ZFAT: variants seen among roughly 807,000 people sequenced by gnomAD.
ZFAT encodes zinc finger protein ZFAT.
In ZFAT, 64 loss-of-function variants were observed where a neutral mutation model predicts 117.7. The ratio of observed to expected loss-of-function variants is 0.54; its 90% CI spans 0.44 to 0.67. The LOEUF is 0.67. ZFAT is among the 30% of genes least tolerant of loss of function. ZFAT has a pLI of 0.00. For missense variants in ZFAT, 1,433 were observed against 1,584.5 expected (o/e 0.90, Z 1.62); for synonymous variants, 679 against 615.0 (o/e 1.10, Z -1.54).
At chr8:134,652,870 G>C (rs903598461) in intron 2 of ZFAT, among the ~76,000 whole-genome samples, 2 of 152,102 alleles carry the variant, frequency 1.3e-5, no homozygotes, top group Admixed American at 6.6e-5. Flanking sequence ...ATAAAACCTA[G>C]CAAACTTTTC....
chr8:134,744,955 G>A, the ZFAT span, among the ~76,000 whole-genome samples: 6 of 150,558 alleles, frequency 4.0e-5, no homozygotes, highest in East Asian at 2.0e-4. Flanking sequence ...GGTCTCGATC[G>A]CCTGACCTCG....
chr8:134,729,756 G>C, the ZFAT span, among the ~76,000 whole-genome samples: 1 of 152,080 alleles, frequency 6.6e-6, no homozygotes, highest in South Asian at 2.1e-4. Context: ...AATCCTGATG[G>C]GCTGGTTACC....
chr8:134,608,538 G>A (rs1828061210), intron 5 of ZFAT, among the ~76,000 whole-genome samples, 191 bp downstream of exon 5: 1 of 152,132 alleles, frequency 6.6e-6, no homozygotes, highest in Non-Finnish European at 1.5e-5. Flanking sequence ...GCAACACACT[G>A]GAGGCTCAGC....
the ZFAT span, among the ~76,000 whole-genome samples, chr8:134,762,680 A>T: frequency 6.6e-6 from 1 of 152,308 alleles, no homozygotes; most frequent in Admixed American, 6.5e-5. Context: ...GTTCAAATTT[A>T]TATCTTCAGA....
intron 1 of ZFAT, among the ~76,000 whole-genome samples, chr8:134,693,551 T>C (rs1304479496): frequency 6.6e-6 from 1 of 151,056 alleles, no homozygotes; most frequent in Non-Finnish European, 1.5e-5. Flanking sequence ...TCACAATGCA[T>C]GCCTGTATCA....
chr8:134,743,778 C>T, the ZFAT span, among the ~76,000 whole-genome samples: 1 of 152,166 alleles, frequency 6.6e-6, no homozygotes, highest in Admixed American at 6.5e-5. Context: ...ACCAGCCTGC[C>T]CAGTCACAGC....
At chr8:134,583,647 G>A (rs972497926) in intron 10 of ZFAT, among the ~76,000 whole-genome samples, 185 bp downstream of exon 10, 2 of 152,182 alleles carry the variant, frequency 1.3e-5, no homozygotes, top group Non-Finnish European at 2.9e-5. Flanking sequence ...GCACCTGCTG[G>A]AAGTGAGGCA....
At chr8:134,736,600 C>T in the ZFAT span, among the ~76,000 whole-genome samples, 3 of 152,094 alleles carry the variant, frequency 2.0e-5, no homozygotes, top group Non-Finnish European at 4.4e-5. Context: ...CTCTCTCTCC[C>T]TCTCTCTCTA....
chr8:134,659,149 C>A (rs923034751), intron 1 of ZFAT, among the ~76,000 whole-genome samples: 1 of 152,336 alleles, frequency 6.6e-6, no homozygotes, highest in Admixed American at 6.5e-5. Context: ...ATCATACAAG[C>A]TCTGCGCTCT....
the ZFAT span, among the ~76,000 whole-genome samples, chr8:134,807,063 GCATA>G: frequency 6.6e-6 from 1 of 152,140 alleles, no homozygotes; most frequent in African/African-American, 2.4e-5. Context: ...AAACACACAT[GCATA>G]CATACAATCT....
chr8:134,659,718 C>T (rs1184379189), intron 1 of ZFAT, among the ~76,000 whole-genome samples: 1 of 152,080 alleles, frequency 6.6e-6, no homozygotes. Flanking sequence ...CCCACTCCCC[C>T]AACCCATTTC....
chr8:134,789,258 C>T, the ZFAT span, among the ~76,000 whole-genome samples: 7 of 152,162 alleles, frequency 4.6e-5, no homozygotes, highest in African/African-American at 1.7e-4. Flanking sequence ...AATGCTAGAA[C>T]CTGAGGACAA....
intron 1 of ZFAT, among the ~76,000 whole-genome samples, chr8:134,685,912 G>T (rs1223004519): frequency 1.3e-5 from 2 of 152,242 alleles, no homozygotes; most frequent in South Asian, 2.1e-4. Context: ...AGGGGCTGCT[G>T]TTCCCATCTT....
chr8:134,590,694 A>C (rs943403609), intron 7 of ZFAT, among the ~76,000 whole-genome samples: 2 of 123,140 alleles, frequency 1.6e-5, no homozygotes, highest in African/African-American at 5.9e-5. Context: ...ACCACCAACA[A>C]CAACACCACG....
chr8:134,639,069 C>T (rs1191840094), intron 2 of ZFAT, among the ~76,000 whole-genome samples: 1 of 152,202 alleles, frequency 6.6e-6, no homozygotes, highest in East Asian at 1.9e-4. Context: ...GGACACCAGC[C>T]ACTTTATCTA....
chr8:134,670,173 G>C (rs1247641437), intron 1 of ZFAT, among the ~76,000 whole-genome samples: 1 of 152,164 alleles, frequency 6.6e-6, no homozygotes, highest in East Asian at 1.9e-4. Flanking sequence ...ACACCCCACT[G>C]TCAACATTAG....
chr8:134,572,246 T>C (rs1824968315), intron 10 of ZFAT, among the ~76,000 whole-genome samples: 2 of 152,250 alleles, frequency 1.3e-5, no homozygotes, highest in Admixed American at 6.5e-5. Context: ...TGAGCATGAA[T>C]AAAGATTTTT....
chr8:134,584,202 T>C (rs976603566), intron 9 of ZFAT, among the ~76,000 whole-genome samples, 197 bp from the exon 10 acceptor site: 2 of 152,204 alleles, frequency 1.3e-5, no homozygotes, highest in Admixed American at 1.3e-4. Flanking sequence ...TTCCCCAGGC[T>C]ATGCCTTCGT....
At chr8:134,524,393 T>G (rs1036623694) in intron 12 of ZFAT, among the ~76,000 whole-genome samples, 1 of 152,190 alleles carries the variant, frequency 6.6e-6, no homozygotes, top group Non-Finnish European at 1.5e-5. Context: ...CTTTCAAATT[T>G]TATTCCATGG....
Sources: gnomAD v4.1 joint callset for allele counts (sites outside exome capture counted in the v4.1 genomes callset) on GRCh38, gnomAD v4.1.1 for gene constraint, MANE v1.5 for transcripts, NCBI Gene and HGNC (gene_info 2026-07-23, HGNC 2026-07-21) for gene names.